Variants in CUL4A observed in about 807,000 individuals in gnomAD.
The protein encoded by CUL4A is cullin-4A.
A neutral mutation model predicts 95.5 loss-of-function variants in CUL4A; 16 were observed. The ratio of observed to expected loss-of-function variants is 0.17; its 90% CI spans 0.11 to 0.25. The LOEUF (loss-of-function observed/expected upper bound fraction) is 0.25. Among genes scored for constraint, CUL4A ranks in the 10% least tolerant of loss-of-function variants. The pLI is 1.00. For missense variants in CUL4A, 610 were observed against 937.0 expected, an observed-to-expected ratio of 0.65 and a Z score of 4.56; for synonymous variants, 380 against 353.1, an observed-to-expected ratio of 1.08 and a Z score of -0.85.
chr13:113,259,356 C>G (rs1731010977), intron 18 of CUL4A, among the ~76,000 whole-genome samples: 2 of 152,180 alleles, frequency 1.3e-5, no homozygotes, highest in Non-Finnish European at 2.9e-5. Context: ...CTTGGAGTCT[C>G]TCCCATCCTG....
chr13:113,240,218 G>A (rs528000333), intron 10 of CUL4A, among the ~76,000 whole-genome samples: 18 of 152,210 alleles, frequency 1.2e-4, no homozygotes, highest in African/African-American at 4.1e-4. Flanking sequence ...GATGTCTGGA[G>A]ACATTTGTGG....
Position 113,233,329 on chromosome 13 carries a change from C to G in CUL4A, c.665C>G (p.Ser222Cys), listed in dbSNP as rs1379271913. 1.9e-6 allele frequency: 3 copies of G among 1,612,776 alleles called. No individual in the cohort carries two copies. Among genetic ancestry groups the G allele is most frequent in the Non-Finnish European group, 1.7e-6 (2 of 1,179,798 alleles). Residue 222 changes from serine to cysteine, a missense_variant, in exon 6 of 20, where the codon TCT (serine) becomes TGT (cysteine). Coordinates refer to ENST00000375440, the MANE Select transcript of CUL4A (RefSeq NM_001008895.4). ...SLLRSLLGML[S>C]DLQVYKDSFE... is the part of the protein sequence containing the mutation. ...TTGCGGAGCCTCCTGGGCATGCTGT[C>G]TGACCTGCAGGTGAGTGCTGCCTGT...
chr13:113,259,759 T>C (rs1482201221), intron 18 of CUL4A, among the ~76,000 whole-genome samples: 7 of 152,256 alleles, frequency 4.6e-5, no homozygotes, highest in Non-Finnish European at 1.0e-4. Context: ...ATAGAGTTGT[T>C]GCAGCTTTCT....
At chr13:113,214,344 A>T (rs907055427) in intron 2 of CUL4A, among the ~76,000 whole-genome samples, 2 of 152,210 alleles carry the variant, frequency 1.3e-5, no homozygotes, top group African/African-American at 4.8e-5. Flanking sequence ...TAACTCCTGA[A>T]GAAAGTGCAT....
chr13:113,209,969 G>T lies in CUL4A; in HGVS notation c.149-4G>T, dbSNP rs1311854480. On this transcript the variant is annotated splice_region_variant and splice_polypyrimidine_tract_variant and intron_variant, in intron 1 of 19. Coordinates refer to ENST00000375440, the MANE Select transcript of CUL4A (RefSeq NM_001008895.4). ...GAGCCGCCCGCTCTCCCTCCGCCCT[G>T]CAGACAGACCTCGGCTGCCCGACAA... 3 of 1,503,990 alleles carry T rather than the reference G, an allele frequency of 2.0e-6. No individual in the cohort carries two copies. The highest frequency in any genetic ancestry group is 2.7e-6 in the Non-Finnish European group (3 of 1,127,852). The allele number at this position is 1,503,990 out of a possible 1,614,324, so 93.2% of individuals were successfully genotyped here.
chr13:113,261,586 C>G (rs2042277615), intron 19 of CUL4A, among the ~76,000 whole-genome samples: 1 of 152,206 alleles, frequency 6.6e-6, no homozygotes, highest in African/African-American at 2.4e-5. Flanking sequence ...GCCCCTTCCT[C>G]CCACCAGCTG....
intron 3 of CUL4A, among the ~76,000 whole-genome samples, chr13:113,222,995 G>A (rs538885578): frequency 2.6e-5 from 4 of 152,282 alleles, no homozygotes; most frequent in Non-Finnish European, 1.5e-5. Context: ...TGTGGGAATC[G>A]AGGGGCGAGT....
intron 2 of CUL4A, among the ~76,000 whole-genome samples, chr13:113,216,016 TGTG>T (rs902067811): frequency 1.3e-5 from 2 of 149,450 alleles, no homozygotes; most frequent in African/African-American, 5.0e-5. Context: ...CCCATGTGGC[TGTG>T]GAGGTCGTGT....
intron 15 of CUL4A, among the ~76,000 whole-genome samples, chr13:113,251,653 TTC>T (rs1302637906): frequency 6.6e-6 from 1 of 152,150 alleles, no homozygotes. Flanking sequence ...CACCTCCCCC[TTC>T]TCTCTCTTCC....
At chr13:113,213,126 A>T (rs1033374832) in intron 2 of CUL4A, among the ~76,000 whole-genome samples, 10 of 151,886 alleles carry the variant, frequency 6.6e-5, no homozygotes, top group African/African-American at 2.4e-4. Flanking sequence ...AGTGGCTCAC[A>T]CCTGTAATCC....
At chr13:113,260,002 G>C (rs576122379) in intron 18 of CUL4A, among the ~76,000 whole-genome samples, 1 of 148,710 alleles carries the variant, frequency 6.7e-6, no homozygotes, top group African/African-American at 2.5e-5. Context: ...TCAGGAGATC[G>C]AGACCAGCCT....
chr13:113,236,671 G>A (rs2041555835), intron 8 of CUL4A, 152 bp from the exon 9 acceptor site: 1 of 500,868 alleles, frequency 2.0e-6, no homozygotes, highest in Non-Finnish European at 3.5e-6. Context: ...AACAGGAGTC[G>A]TCGTCCGTTT....
intron 10 of CUL4A, among the ~76,000 whole-genome samples, chr13:113,242,014 T>G (rs2041727482): frequency 6.6e-6 from 1 of 152,008 alleles, no homozygotes; most frequent in Admixed American, 6.6e-5. Context: ...TATAACAGTT[T>G]TAAATTAAAA....
intron 3 of CUL4A, among the ~76,000 whole-genome samples, chr13:113,224,480 C>G (rs1225767002): frequency 6.6e-6 from 1 of 152,214 alleles, no homozygotes; most frequent in Non-Finnish European, 1.5e-5. Flanking sequence ...CACAGAATGC[C>G]AGGCAGTGGT....
intron 7 of CUL4A, 21 bp downstream of exon 7, chr13:113,234,007 C>T (rs759368097): frequency 9.9e-6 from 15 of 1,517,934 alleles, no homozygotes; most frequent in South Asian, 8.0e-5. Flanking sequence ...GGGATGTTTC[C>T]GAATCCCCTG....
At chr13:113,227,641 C>G (rs2041154206) in intron 3 of CUL4A, among the ~76,000 whole-genome samples, 1 of 152,218 alleles carries the variant, frequency 6.6e-6, no homozygotes, top group African/African-American at 2.4e-5. Flanking sequence ...TGCGGTGGCT[C>G]ACGCCTGTAA....
chr13:113,216,932 T>G (rs1449484610), intron 2 of CUL4A, among the ~76,000 whole-genome samples: 2 of 152,230 alleles, frequency 1.3e-5, no homozygotes, highest in Non-Finnish European at 2.9e-5. Flanking sequence ...TGAGAGGTTC[T>G]TAAATTCTTA....
intron 16 of CUL4A, among the ~76,000 whole-genome samples, chr13:113,253,791 G>C (rs1370253082): frequency 6.6e-6 from 1 of 152,126 alleles, no homozygotes; most frequent in Non-Finnish European, 1.5e-5. Flanking sequence ...TTTAAGAGGG[G>C]AGAATGCATA....
intron 5 of CUL4A, 143 bp downstream of exon 5, chr13:113,229,662 G>A (rs770567049): frequency 1.0e-5 from 7 of 676,858 alleles, no homozygotes; most frequent in South Asian, 5.4e-5. Flanking sequence ...TAACGTGAAC[G>A]TAGGAGTCCA....
Sources: gnomAD v4.1 joint callset for allele counts (sites outside exome capture counted in the v4.1 genomes callset) on GRCh38, gnomAD v4.1.1 for gene constraint, MANE v1.5 for transcripts, NCBI Gene and HGNC (gene_info 2026-07-23, HGNC 2026-07-21) for gene names.